NAV2: variants seen among roughly 807,000 people sequenced by gnomAD.
NAV2 encodes helicase, APC down-regulated 1.
Under a neutral mutation model 223.2 loss-of-function variants are expected in NAV2, and 54 were observed. The ratio of observed to expected loss-of-function variants is 0.24; its 90% CI spans 0.19 to 0.30. NAV2 has a LOEUF of 0.30. NAV2 is among the 10% of genes least tolerant of loss of function. The pLI is 1.00. For missense variants in NAV2, 2,806 were observed against 3,147.5 expected, an observed-to-expected ratio of 0.89 and a Z score of 2.60; for synonymous variants, 1,279 against 1,239.3, an observed-to-expected ratio of 1.03 and a Z score of -0.67.
intron 3 of NAV2, among the ~76,000 whole-genome samples, chr11:19,860,152 G>C (rs1389340077): frequency 6.8e-6 from 1 of 146,882 alleles, no homozygotes; most frequent in Non-Finnish European, 1.5e-5. Context: ...CGGACGGGGC[G>C]GCTGGCCAGG....
intron 1 of NAV2, among the ~76,000 whole-genome samples, chr11:19,489,485 T>A (rs1021959640): frequency 6.6e-6 from 1 of 152,198 alleles, no homozygotes; most frequent in African/African-American, 2.4e-5. Flanking sequence ...CAGATTTGAG[T>A]AACTTTTATC....
intron 17 of NAV2, among the ~76,000 whole-genome samples, chr11:20,053,450 A>G (rs975575573): frequency 6.6e-6 from 1 of 152,152 alleles, no homozygotes; most frequent in African/African-American, 2.4e-5. Context: ...CACATTGCAG[A>G]TGTTCAATAA....
chr11:19,445,172 A>C (rs1328901056), intron 1 of NAV2, among the ~76,000 whole-genome samples: 1 of 152,232 alleles, frequency 6.6e-6, no homozygotes, highest in Non-Finnish European at 1.5e-5. Context: ...GGTGCAAAAC[A>C]GACAGTCAAA....
intron 5 of NAV2, among the ~76,000 whole-genome samples, chr11:19,887,953 T>G (rs896721919): frequency 4.6e-5 from 7 of 151,202 alleles, no homozygotes; most frequent in African/African-American, 1.7e-4. Flanking sequence ...AGAACTGTTT[T>G]TTTTTTTTGC....
At chr11:19,997,952 T>C (rs1364002273) in intron 11 of NAV2, among the ~76,000 whole-genome samples, 1 of 152,100 alleles carries the variant, frequency 6.6e-6, no homozygotes, top group Non-Finnish European at 1.5e-5. Flanking sequence ...GGTCTCTCCA[T>C]AACCATGTTT....
intron 11 of NAV2, among the ~76,000 whole-genome samples, chr11:20,021,320 GT>G (rs1198164543): frequency 1.3e-5 from 2 of 152,180 alleles, no homozygotes; most frequent in Non-Finnish European, 2.9e-5. Flanking sequence ...AAATATGGTA[GT>G]TGATGAATGA....
At chr11:19,714,155 C>G (rs926867715) in intron 1 of NAV2, 193 bp downstream of exon 1, 29 of 806,394 alleles carry the variant, frequency 3.6e-5, no homozygotes, top group South Asian at 6.3e-5. Context: ...GCCCGGGTGC[C>G]GGAGGTTTGC....
At chr11:19,564,750 T>C (rs897543570) in intron 1 of NAV2, among the ~76,000 whole-genome samples, 49 of 152,232 alleles carry the variant, frequency 3.2e-4, no homozygotes, top group African/African-American at 1.1e-3. Context: ...CCCACCGGGC[T>C]CCCCAGGAGC....
chr11:20,096,272 A>G (rs1001758482), intron 30 of NAV2, among the ~76,000 whole-genome samples: 1 of 152,188 alleles, frequency 6.6e-6, no homozygotes, highest in African/African-American at 2.4e-5. Flanking sequence ...ATGTTGCCAT[A>G]CTTATTTCTC....
At chr11:19,767,986 G>C (rs959642084) in intron 1 of NAV2, among the ~76,000 whole-genome samples, 1 of 152,240 alleles carries the variant, frequency 6.6e-6, no homozygotes. Flanking sequence ...AGCCTGAGCA[G>C]AGCCTGATGT....
chr11:19,364,539 T>C (rs375193140), intron 1 of NAV2, among the ~76,000 whole-genome samples: 2 of 152,352 alleles, frequency 1.3e-5, no homozygotes, highest in East Asian at 1.9e-4. Flanking sequence ...CCTAGTCATA[T>C]GTGAATGGGT....
chr11:19,647,198 C>T (rs553148969), intron 1 of NAV2, among the ~76,000 whole-genome samples: 125 of 152,304 alleles, frequency 8.2e-4, no homozygotes, highest in African/African-American at 2.9e-3. Context: ...GCTGAGCGCA[C>T]ATGTGCCTAC....
intron 20 of NAV2, among the ~76,000 whole-genome samples, chr11:20,066,463 A>G (rs2059048776): frequency 6.6e-6 from 1 of 152,212 alleles, no homozygotes; most frequent in Admixed American, 6.5e-5. Flanking sequence ...AGGAATACAA[A>G]CAAACCTACC....
At chr11:19,960,085 G>C (rs2048225651) in intron 10 of NAV2, among the ~76,000 whole-genome samples, 1 of 152,198 alleles carries the variant, frequency 6.6e-6, no homozygotes, top group Non-Finnish European at 1.5e-5. Context: ...TATTTAGTAA[G>C]TTCTAGTCAG....
chr11:19,802,296 G>A (rs1409360359), intron 1 of NAV2, among the ~76,000 whole-genome samples: 1 of 152,104 alleles, frequency 6.6e-6, no homozygotes, highest in Non-Finnish European at 1.5e-5. Context: ...TCAAGGAGGG[G>A]TGGGATTGGG....
At chr11:19,957,725 G>T (rs772046845) in intron 10 of NAV2, among the ~76,000 whole-genome samples, 1 of 152,168 alleles carries the variant, frequency 6.6e-6, no homozygotes, top group Non-Finnish European at 1.5e-5. Context: ...ACTCCCATGC[G>T]CACTCTGTCC....
At chr11:19,715,472 G>A (rs1333709684) in intron 1 of NAV2, among the ~76,000 whole-genome samples, 1 of 152,140 alleles carries the variant, frequency 6.6e-6, no homozygotes, top group East Asian at 1.9e-4. Flanking sequence ...AGGTGTAGTG[G>A]GCAGTCGGTG....
chr11:19,639,520 G>A (rs2047600434), intron 1 of NAV2, among the ~76,000 whole-genome samples: 1 of 152,204 alleles, frequency 6.6e-6, no homozygotes, highest in Non-Finnish European at 1.5e-5. Context: ...ATTTCAAGAG[G>A]TTTTCCAGTT....
intron 1 of NAV2, among the ~76,000 whole-genome samples, chr11:19,762,684 G>A (rs1408126231): frequency 2.0e-5 from 3 of 149,080 alleles, no homozygotes; most frequent in Non-Finnish European, 4.4e-5. Context: ...CATGATCTTG[G>A]CTCACTGCAG....
Sources: gnomAD v4.1 joint callset for allele counts (sites outside exome capture counted in the v4.1 genomes callset) on GRCh38, gnomAD v4.1.1 for gene constraint, MANE v1.5 for transcripts, NCBI Gene and HGNC (gene_info 2026-07-23, HGNC 2026-07-21) for gene names.